CFAP299: variants seen among roughly 807,000 people sequenced by gnomAD.
CFAP299 encodes cilia- and flagella-associated protein 299.
CFAP299 carries 21 observed loss-of-function variants against 27.0 expected under a neutral mutation model. That is an observed-to-expected ratio of 0.78 (90% CI 0.55 to 1.12). CFAP299 has a LOEUF of 1.12. Among genes scored for constraint, CFAP299 ranks in the 50% most tolerant of loss-of-function variants. CFAP299 has a pLI of 0.00. For synonymous variants in CFAP299, 104 were observed against 98.1 expected (o/e 1.06, Z -0.36); for missense variants, 310 against 276.6 (o/e 1.12, Z -0.86).
At chr4:80,335,271 CATT>C (rs1055842080), upstream of CFAP299, among the ~76,000 whole-genome samples, 2 of 152,152 alleles carry the variant, frequency 1.3e-5, no homozygotes, top group Admixed American at 6.5e-5. Flanking sequence ...TGTACACAAA[CATT>C]AGCAATAATT....
intron 4 of CFAP299, among the ~76,000 whole-genome samples, chr4:80,923,385 A>G (rs574709887): frequency 8.5e-5 from 13 of 152,174 alleles, no homozygotes; most frequent in Non-Finnish European, 1.8e-4. Flanking sequence ...TGTATATATA[A>G]AAAGGCATTT....
intron 5 of CFAP299, among the ~76,000 whole-genome samples, chr4:80,947,782 A>G (rs771839987): frequency 6.6e-6 from 1 of 152,160 alleles, no homozygotes; most frequent in Admixed American, 6.5e-5. Context: ...TGTATTGTAC[A>G]TTGCTACAAA....
intron 3 of CFAP299, among the ~76,000 whole-genome samples, chr4:80,600,805 A>G (rs1737303307): frequency 6.6e-6 from 1 of 152,194 alleles, no homozygotes; most frequent in Non-Finnish European, 1.5e-5. Context: ...TGGTAAAGAT[A>G]GTAGGCTATA....
At chr4:80,723,661 T>C (rs922116119) in intron 3 of CFAP299, among the ~76,000 whole-genome samples, 13 of 152,164 alleles carry the variant, frequency 8.5e-5, no homozygotes, top group African/African-American at 3.1e-4. Context: ...ATTATCTTTA[T>C]TGTTGTGACA....
intron 4 of CFAP299, among the ~76,000 whole-genome samples, chr4:80,889,634 A>G: frequency 6.6e-6 from 1 of 152,146 alleles, no homozygotes; most frequent in East Asian, 1.9e-4. Flanking sequence ...CAAAGCCAGC[A>G]TTACCCTAAT....
intron 2 of CFAP299, among the ~76,000 whole-genome samples, chr4:80,394,740 T>C (rs1725684646): frequency 6.6e-6 from 1 of 152,146 alleles, no homozygotes; most frequent in South Asian, 2.1e-4. Flanking sequence ...ACCATAAATA[T>C]GTGCATTTTT....
At chr4:80,901,673 A>G (rs1345515610) in intron 4 of CFAP299, among the ~76,000 whole-genome samples, 2 of 152,030 alleles carry the variant, frequency 1.3e-5, no homozygotes, top group Admixed American at 1.3e-4. Context: ...AGACTTCAAG[A>G]CTACATATTT....
At chr4:80,929,248 A>C (rs2110217081) in intron 4 of CFAP299, among the ~76,000 whole-genome samples, 1 of 148,872 alleles carries the variant, frequency 6.7e-6, no homozygotes, top group East Asian at 2.0e-4. Context: ...TATCTATCCA[A>C]TCTCTATGGC....
intron 3 of CFAP299, among the ~76,000 whole-genome samples, chr4:80,760,088 A>G (rs111465966): frequency 0.017 from 2,634 of 152,192 alleles, 77 homozygotes; most frequent in African/African-American, 0.059. Context: ...ATCTTTTTAA[A>G]TTTCTAAATT....
At chr4:80,405,711 TA>T (rs940760193) in intron 2 of CFAP299, among the ~76,000 whole-genome samples, 1 of 152,140 alleles carries the variant, frequency 6.6e-6, no homozygotes, top group African/African-American at 2.4e-5. Context: ...TGCAAATATC[TA>T]AATTAGTAGC....
At position 80,355,031 on chromosome 4, in the gene CFAP299, A is replaced by G. The variant is rs1723195619; in HGVS notation, c.112-7723A>G. 3.3e-5 allele frequency among the ~76,000 whole-genome samples: 5 copies of G among 152,162 alleles called. No homozygotes were observed. The South Asian group carries it at 1.0e-3, about 32-fold the overall frequency. ...TAGAATGATTTATATTCTTTTGGGC[A>G]TATGTCCAGCGATGATATTTCTGGG... is the stretch of plus-strand genomic sequence containing the variant. On this transcript the variant is annotated intron_variant, in intron 1 of 5. Coordinates refer to ENST00000358105, the MANE Select transcript of CFAP299 (RefSeq NM_152770.3).
chr4:80,896,804 T>C (rs1734630983), intron 4 of CFAP299, among the ~76,000 whole-genome samples: 1 of 152,136 alleles, frequency 6.6e-6, no homozygotes, highest in South Asian at 2.1e-4. Flanking sequence ...GCTCAAAATA[T>C]TATCTGTTAT....
chr4:80,883,665 T>C (rs1425361159), intron 4 of CFAP299, among the ~76,000 whole-genome samples: 4 of 152,102 alleles, frequency 2.6e-5, no homozygotes, highest in African/African-American at 7.2e-5. Context: ...AGACTTTATA[T>C]AGAAAATTTT....
At chr4:80,637,607 C>T (rs541989720) in intron 3 of CFAP299, among the ~76,000 whole-genome samples, 104 of 152,168 alleles carry the variant, frequency 6.8e-4, no homozygotes, top group African/African-American at 2.5e-3. Flanking sequence ...TCTCCACCAG[C>T]CAAACTCGTT....
intron 3 of CFAP299, among the ~76,000 whole-genome samples, chr4:80,602,268 G>A (rs1459452056): frequency 2.0e-5 from 3 of 152,084 alleles, no homozygotes; most frequent in Non-Finnish European, 4.4e-5. Flanking sequence ...ATGAAGGAAG[G>A]CAGTTAAGAA....
At chr4:80,902,358 G>T (rs4992615) in intron 4 of CFAP299, among the ~76,000 whole-genome samples, 3,023 of 140,086 alleles carry the variant, frequency 0.022, 116 homozygotes, top group East Asian at 0.16. Flanking sequence ...GGATATATAT[G>T]GATAAAATAT....
At chr4:80,950,786 G>A (rs902918260) in intron 5 of CFAP299, among the ~76,000 whole-genome samples, 1 of 152,138 alleles carries the variant, frequency 6.6e-6, no homozygotes, top group African/African-American at 2.4e-5. Context: ...GAAGGCTTAG[G>A]CATTGGTACT....
rs188639867 is a variant in CFAP299, at chr4:80,802,213, T to C, written c.334-67780T>C. 5.3e-5 allele frequency among the ~76,000 whole-genome samples: 8 copies of C among 152,132 alleles called. No individual in the cohort carries two copies. The East Asian group carries it at 1.2e-3, about 22-fold the overall frequency. On this transcript the variant is annotated intron_variant, in intron 3 of 5. Transcript: ENST00000358105. Reference sequence around the variant, plus strand: ...TATTTGCAGGGATTGCAAGGATGGATAGAGAGAGTAAACAATCATTTTAAA... The same window carrying C: ...TATTTGCAGGGATTGCAAGGATGGACAGAGAGAGTAAACAATCATTTTAAA...
intron 1 of CFAP299, among the ~76,000 whole-genome samples, chr4:80,352,492 A>G (rs980682018): frequency 6.6e-6 from 1 of 152,150 alleles, no homozygotes; most frequent in African/African-American, 2.4e-5. Context: ...CCTTGAACCC[A>G]AGAGGCGGAG....
Sources: gnomAD v4.1 joint callset for allele counts (sites outside exome capture counted in the v4.1 genomes callset) on GRCh38, gnomAD v4.1.1 for gene constraint, MANE v1.5 for transcripts, NCBI Gene and HGNC (gene_info 2026-07-23, HGNC 2026-07-21) for gene names.